The following SLC35F1 variants were observed in gnomAD, a reference collection of about 807,000 sequenced individuals.
SLC35F1 encodes solute carrier family 35 member F1.
Under a neutral mutation model 48.7 loss-of-function variants are expected in SLC35F1, and 14 were observed. The ratio of observed to expected loss-of-function variants is 0.29; its 90% CI spans 0.19 to 0.45. SLC35F1 has a LOEUF of 0.45. Among genes scored for constraint, SLC35F1 ranks in the 20% least tolerant of loss-of-function variants. The pLI is 1.00. For missense variants in SLC35F1, 404 were observed against 500.0 expected, an observed-to-expected ratio of 0.81 and a Z score of 1.83; for synonymous variants, 190 against 202.2, an observed-to-expected ratio of 0.94 and a Z score of 0.51.
chr6:118,248,189 T>G (rs1442442319), intron 3 of SLC35F1, among the ~76,000 whole-genome samples: 1 of 152,230 alleles, frequency 6.6e-6, no homozygotes, highest in Non-Finnish European at 1.5e-5. Context: ...CACCTGCACA[T>G]CCTGCTCAAT....
intron 1 of SLC35F1, among the ~76,000 whole-genome samples, chr6:117,966,522 C>T (rs1476246999): frequency 2.0e-5 from 3 of 152,246 alleles, no homozygotes; most frequent in East Asian, 1.9e-4. Context: ...CTGAAGTCAG[C>T]GAGACCACGA....
intron 1 of SLC35F1, among the ~76,000 whole-genome samples, chr6:117,945,047 C>T (rs1002650818): frequency 3.9e-5 from 6 of 152,146 alleles, no homozygotes; most frequent in African/African-American, 1.4e-4. Flanking sequence ...ATTCATGGAG[C>T]TTGCATCCAT....
At chr6:118,271,208 A>T (rs1775847108) in intron 4 of SLC35F1, among the ~76,000 whole-genome samples, 1 of 152,188 alleles carries the variant, frequency 6.6e-6, no homozygotes, top group Non-Finnish European at 1.5e-5. Flanking sequence ...TTTTATTGTC[A>T]TTCTTGCAGC....
Position 118,019,617 on chromosome 6 carries a change from G to A in SLC35F1, c.173+111718G>A, listed in dbSNP as rs140540387. Reference sequence around the variant, plus strand: ...AGCCTGGGTGACAGAGCAAGACTTCGTCTCAAAAAAAAAAAGAAATGGGTA... The same window carrying A: ...AGCCTGGGTGACAGAGCAAGACTTCATCTCAAAAAAAAAAAGAAATGGGTA... On this transcript the variant is annotated intron_variant, in intron 1 of 7. Coordinates refer to ENST00000360388, the MANE Select transcript of SLC35F1 (RefSeq NM_001029858.4). Among the ~76,000 whole-genome samples the A allele has an allele frequency of 6.6e-5, 10 of 150,958 alleles. No homozygotes were observed. The East Asian group carries it at 9.7e-4, about 15-fold the overall frequency.
At chr6:118,138,470 G>A (rs1422438725) in intron 1 of SLC35F1, among the ~76,000 whole-genome samples, 1 of 152,096 alleles carries the variant, frequency 6.6e-6, no homozygotes, top group Non-Finnish European at 1.5e-5. Context: ...CTCTCTCAAG[G>A]AAGAAATGAC....
chr6:117,977,505 C>T (rs554697317), intron 1 of SLC35F1, among the ~76,000 whole-genome samples: 1 of 151,858 alleles, frequency 6.6e-6, no homozygotes, highest in Non-Finnish European at 1.5e-5. Flanking sequence ...TTTTTTGATT[C>T]CTAGGGAAGT....
chr6:118,169,581 A>G (rs1582708524), intron 2 of SLC35F1, among the ~76,000 whole-genome samples: 1 of 152,158 alleles, frequency 6.6e-6, no homozygotes, highest in Admixed American at 6.5e-5. Context: ...CAGCCCTATC[A>G]CTGCCCCCAG....
intron 1 of SLC35F1, among the ~76,000 whole-genome samples, chr6:117,971,963 C>G (rs1416432032): frequency 6.6e-6 from 1 of 152,234 alleles, no homozygotes; most frequent in African/African-American, 2.4e-5. Flanking sequence ...TTTGGCTCTT[C>G]ATTACTTTTG....
intron 2 of SLC35F1, among the ~76,000 whole-genome samples, chr6:118,193,234 T>C (rs963372914): frequency 1.6e-4 from 24 of 152,198 alleles, no homozygotes; most frequent in African/African-American, 4.8e-4. Context: ...CAAATCTATC[T>C]AATCTTAATC....
At chr6:118,086,803 T>C (rs1303786653) in intron 1 of SLC35F1, among the ~76,000 whole-genome samples, 1 of 152,206 alleles carries the variant, frequency 6.6e-6, no homozygotes, top group Admixed American at 6.5e-5. Flanking sequence ...ATTTTGTACT[T>C]GTCCTTTAAA....
chr6:118,281,632 C>T (rs1053113401), intron 6 of SLC35F1, among the ~76,000 whole-genome samples: 3 of 152,182 alleles, frequency 2.0e-5, no homozygotes, highest in Non-Finnish European at 4.4e-5. Context: ...CCCTGCTGGG[C>T]TTCCCTAACT....
intron 1 of SLC35F1, among the ~76,000 whole-genome samples, chr6:118,101,292 A>G (rs933328493): frequency 3.3e-5 from 5 of 152,208 alleles, no homozygotes; most frequent in African/African-American, 9.7e-5. Flanking sequence ...GTAATTTACA[A>G]GGAGTTCACA....
intron 2 of SLC35F1, among the ~76,000 whole-genome samples, chr6:118,178,779 T>C (rs1774529934): frequency 6.6e-6 from 1 of 152,104 alleles, no homozygotes; most frequent in Admixed American, 6.6e-5. Context: ...GTTTGTGCAC[T>C]AAAAACCCAG....
chr6:118,223,622 G>C (rs759076989), intron 2 of SLC35F1, among the ~76,000 whole-genome samples: 2 of 152,222 alleles, frequency 1.3e-5, no homozygotes, highest in Non-Finnish European at 2.9e-5. Flanking sequence ...GGTAATAGAA[G>C]TGGCCTTGGT....
At chr6:117,998,741 C>T (rs929109865) in intron 1 of SLC35F1, among the ~76,000 whole-genome samples, 7 of 152,166 alleles carry the variant, frequency 4.6e-5, no homozygotes, top group Non-Finnish European at 8.8e-5. Flanking sequence ...AACAAAGACA[C>T]AACAGACCAG....
At chr6:117,967,656 C>A (rs1776587793) in intron 1 of SLC35F1, among the ~76,000 whole-genome samples, 1 of 152,116 alleles carries the variant, frequency 6.6e-6, no homozygotes, top group Admixed American at 6.5e-5. Flanking sequence ...CCATTAATGT[C>A]CATTGAAATA....
At chr6:118,071,740 A>T (rs9481764) in intron 1 of SLC35F1, among the ~76,000 whole-genome samples, 37,725 of 152,082 alleles carry the variant, frequency 0.25, 5,107 homozygotes, top group African/African-American at 0.34. Context: ...ATAATATTTA[A>T]GAGCGTCTCC....
intron 2 of SLC35F1, among the ~76,000 whole-genome samples, chr6:118,187,027 T>G (rs1054339598): frequency 6.6e-6 from 1 of 152,224 alleles, no homozygotes; most frequent in African/African-American, 2.4e-5. Flanking sequence ...TCTATCTCTC[T>G]ATCTCATTCT....
At chr6:118,003,751 T>A (rs1777138481) in intron 1 of SLC35F1, among the ~76,000 whole-genome samples, 1 of 152,248 alleles carries the variant, frequency 6.6e-6, no homozygotes, top group Non-Finnish European at 1.5e-5. Context: ...TTTTACATTT[T>A]TTTTTAAAAG....
Sources: allele counts gnomAD v4.1 joint callset (sites outside exome capture counted in the v4.1 genomes callset), GRCh38; gene constraint gnomAD v4.1.1; transcripts MANE v1.5; gene names NCBI Gene and HGNC (gene_info 2026-07-23, HGNC 2026-07-21).